The following RBM43 variants were observed in gnomAD, a reference collection of about 807,000 sequenced individuals.
The protein encoded by RBM43 is RNA-binding protein 43.
In RBM43, 12 loss-of-function variants were observed where a neutral mutation model predicts 12.4. The ratio of observed to expected loss-of-function variants is 0.97; its 90% CI spans 0.62 to 1.57. The LOEUF is 1.57. Ranked by LOEUF, RBM43 falls within the 40% of genes most tolerant of loss-of-function variation. The pLI is 0.00. For missense variants in RBM43, 348 were observed against 400.1 expected (o/e 0.87, Z 1.11); for synonymous variants, 138 against 145.7 (o/e 0.95, Z 0.38).
In RBM43 at chr2:151,255,719, A is replaced by T. The variant is rs748588319; in HGVS notation, c.28T>A (p.Ser10Thr). MASVLNVKE[S>T]KAPERTVVVA... ...ACAACCGTTCTTTCAGGAGCTTTGG[A>T]TTCCTTGACATTCAAAACTGATGCC... Residue 10 changes from serine (S) to threonine (T), a missense_variant, in exon 2 of 4, where the codon TCC becomes ACC. By Grantham distance (58) the Ser-to-Thr change is moderately conservative (BLOSUM62 1). Transcript: ENST00000331426. The T allele has an allele frequency of 3.1e-6, 5 of 1,613,592 alleles. No homozygotes were observed. Among genetic ancestry groups the T allele is most frequent in the Non-Finnish European group, 4.2e-6 (5 of 1,179,764 alleles).
At chr2:151,261,193 G>A in intron 1 of RBM43, 1 of 1,485,800 alleles carries the variant, frequency 6.7e-7, no homozygotes, top group Non-Finnish European at 9.0e-7. Context: ...GCTAAGACAA[G>A]AATTCGCACC....
At chr2:151,259,857 CTTG>C (rs1683024491) in intron 1 of RBM43, among the ~76,000 whole-genome samples, 1 of 148,702 alleles carries the variant, frequency 6.7e-6, no homozygotes, top group Non-Finnish European at 1.5e-5. Context: ...TTTTTCTTTT[CTTG>C]TTTTTTGTTT....
At chr2:151,258,383 TTAA>T (rs1683001762) in intron 1 of RBM43, among the ~76,000 whole-genome samples, 1 of 140,854 alleles carries the variant, frequency 7.1e-6, no homozygotes, top group Admixed American at 7.3e-5. Context: ...TTATTTTACT[TTAA>T]AAAAAAAAAA....
rs1235885668 is a variant in RBM43 at position 151,251,078 on chromosome 2, T to C, written c.902A>G (p.Lys301Arg). 6.2e-7 allele frequency: 1 copy of C among 1,613,920 alleles called. No individual in the cohort carries two copies. ...LRKETFILEG[K>R]ENREKRMIKR... Reference sequence around the variant, plus strand: ...GATCATTCTTTTCTCTCTATTTTCCTTTCCTTCCAAAATAAATGTCTCTTT... The same window carrying C: ...GATCATTCTTTTCTCTCTATTTTCCCTTCCTTCCAAAATAAATGTCTCTTT... The change falls in exon 4 of 4, where the codon AAG becomes AGG. Residue 301 changes from lysine (K) to arginine (R), a missense_variant. Coordinates refer to ENST00000331426, the MANE Select transcript of RBM43 (RefSeq NM_198557.3).
intron 2 of RBM43, among the ~76,000 whole-genome samples, chr2:151,255,215 G>C (rs1016006138): frequency 6.6e-6 from 1 of 152,130 alleles, no homozygotes; most frequent in African/African-American, 2.4e-5. Flanking sequence ...AGGAGTTCGA[G>C]ACCAACCTGG....
rs1236800032 is a variant in RBM43, at chr2:151,251,044, T to C, written c.936A>G (p.Ala312=). ...ENREKRMIKR[A]CEQLSSRYLE... ...GGTATCTCGAACTTAATTGTTCACA[T>C]GCCCTTTTGATCATTCTTTTCTCTC... Residue 312 remains alanine (A), a synonymous_variant, in exon 4 of 4, where the codon GCA becomes GCG. Transcript: ENST00000331426. The C allele has an allele frequency of 6.2e-7, 1 of 1,614,162 alleles. No individual in the cohort carries two copies. The highest frequency in any genetic ancestry group is 2.2e-5 in the East Asian group (1 of 44,874).
chr2:151,254,715 C>G (rs1682949734), intron 2 of RBM43, among the ~76,000 whole-genome samples: 1 of 152,194 alleles, frequency 6.6e-6, no homozygotes, highest in Non-Finnish European at 1.5e-5. Context: ...TCCTCACCAT[C>G]TAAGTCAGGG....
chr2:151,258,634 G>A (rs372746578), intron 1 of RBM43, among the ~76,000 whole-genome samples: 3 of 152,072 alleles, frequency 2.0e-5, no homozygotes, highest in South Asian at 2.1e-4. Context: ...ACAGGAGATC[G>A]AGGCTGCAGT....
In RBM43 at chr2:151,255,558, T is replaced by A; in HGVS notation, c.189A>T (p.Ala63=). ...CTTTTTTTTCTTTGAATATTACATA[T>A]GCAACTCCCTTGGTTCTTGTCGGAT... The part of the protein sequence containing the change: ...VIYPTRTKGV[A]YVIFKEKKVA... The change falls in exon 2 of 4, where the codon GCA becomes GCT. Residue 63 remains alanine (A), a synonymous_variant. Transcript: ENST00000331426. 1.2e-6 allele frequency: 2 copies of A among 1,613,336 alleles called. No homozygotes were observed. The highest frequency in any genetic ancestry group is 3.3e-5 in the Admixed American group (2 of 60,012).
intron 1 of RBM43, chr2:151,261,110 T>G: frequency 2.1e-6 from 2 of 952,160 alleles, no homozygotes; most frequent in Non-Finnish European, 3.0e-6. Context: ...AGAGCAGGAA[T>G]TAAAGGCCTT....
intron 2 of RBM43, among the ~76,000 whole-genome samples, chr2:151,254,322 T>A (rs771217792): frequency 3.5e-4 from 53 of 152,104 alleles, no homozygotes; most frequent in Non-Finnish European, 5.4e-4. Context: ...TCTCTCTCTG[T>A]CTCTCTGAGT....
chr2:151,250,776 G>A lies in RBM43; in HGVS notation c.*130C>T, dbSNP rs1325817752. 5.9e-6 allele frequency: 4 copies of A among 682,868 alleles called. No individual in the cohort carries two copies. The Admixed American group carries it at 1.1e-4, about 19-fold the overall frequency. The allele number at this position is 682,868 out of a possible 1,614,324, so 42.3% of individuals were successfully genotyped here. ...TTTCTTCCGCTGTAACATGAGGATA[G>A]TCAACACTGACAAAGAAGGATGACT... On this transcript the variant is annotated 3_prime_UTR_variant, in exon 4 of 4. Transcript: ENST00000331426.
intron 1 of RBM43, chr2:151,261,106 G>T: frequency 4.4e-6 from 4 of 903,420 alleles, no homozygotes; most frequent in South Asian, 3.7e-5. Flanking sequence ...TTTCAGAGCA[G>T]GAATTAAAGG....
At chr2:151,258,350 C>T (rs1171820688) in intron 1 of RBM43, among the ~76,000 whole-genome samples, 6 of 148,954 alleles carry the variant, frequency 4.0e-5, no homozygotes, top group Non-Finnish European at 8.9e-5. Context: ...CTGGGCCAAA[C>T]CACAAGGAAA....
At chr2:151,252,061 A>G (rs1682909656) in intron 3 of RBM43, among the ~76,000 whole-genome samples, 1 of 152,218 alleles carries the variant, frequency 6.6e-6, no homozygotes, top group Admixed American at 6.5e-5. Flanking sequence ...TACAGAATCA[A>G]GTTGGTAAAC....
At chr2:151,254,069 CATAA>C (rs1194427500) in intron 2 of RBM43, among the ~76,000 whole-genome samples, 2 of 151,828 alleles carry the variant, frequency 1.3e-5, no homozygotes, top group Non-Finnish European at 2.9e-5. Context: ...AATATATAAT[CATAA>C]ATATATTTAA....
Position 151,251,324 on chromosome 2 carries a change from A to G in RBM43, c.656T>C (p.Met219Thr), listed in dbSNP as rs754244426. 24 of 1,614,100 alleles carry G rather than the reference A, an allele frequency of 1.5e-5. No individual in the cohort carries two copies. The South Asian group carries it at 2.5e-4, about 17-fold the overall frequency. The change falls in exon 4 of 4, where the codon ATG becomes ACG. Residue 219 changes from methionine (M) to threonine (T), a missense_variant. Met to Thr is a moderately conservative substitution (Grantham distance 81, BLOSUM62 -1). Coordinates refer to ENST00000331426, the MANE Select transcript of RBM43 (RefSeq NM_198557.3). ...AAAAACATCTGTGTCAAGCACAAGC[A>G]TTTCTCCACTTCTAGCAGTCTCAGG... is the stretch of plus-strand genomic sequence containing the variant. ...LVPETARSGE[M>T]LVLDTDVFLY...
chr2:151,251,359 C>A lies in RBM43; in HGVS notation c.621G>T (p.Arg207Ser). 1 of 1,614,168 alleles carries A rather than the reference C, an allele frequency of 6.2e-7. No individual in the cohort carries two copies. The highest frequency in any genetic ancestry group is 8.5e-7 in the Non-Finnish European group (1 of 1,179,996). The change falls in exon 4 of 4, where the codon AGG becomes AGT. Residue 207 changes from arginine (R) to serine (S), a missense_variant. Transcript: ENST00000331426. ...QRSNNSLASV[R>S]TLVPETARSG... ...TTCTAGCAGTCTCAGGTACTAAGGT[C>A]CTGACTGATGCCAAAGAGTTATTAC...
chr2:151,256,953 T>C (rs575902170), intron 1 of RBM43, among the ~76,000 whole-genome samples: 1 of 152,342 alleles, frequency 6.6e-6, no homozygotes, highest in Non-Finnish European at 1.5e-5. Context: ...CCTGCCACCA[T>C]GCTGGGCACA....
Sources: gnomAD v4.1 joint callset for allele counts (sites outside exome capture counted in the v4.1 genomes callset) on GRCh38, gnomAD v4.1.1 for gene constraint, MANE v1.5 for transcripts, NCBI Gene and HGNC (gene_info 2026-07-23, HGNC 2026-07-21) for gene names.